PHF21B: variants seen among roughly 807,000 people sequenced by gnomAD.
PHF21B encodes the protein PHD finger protein 4.
A neutral mutation model predicts 62.2 loss-of-function variants in PHF21B; 22 were observed. The observed-to-expected ratio is 0.35, with a 90% confidence interval of 0.25 to 0.51. The LOEUF (loss-of-function observed/expected upper bound fraction) is 0.51. PHF21B is among the 20% of genes least tolerant of loss of function. PHF21B has a pLI of 0.97. For synonymous variants in PHF21B, 341 were observed against 314.7 expected (o/e 1.08, Z -0.88); for missense variants, 701 against 707.9 (o/e 0.99, Z 0.11).
intron 2 of PHF21B, among the ~76,000 whole-genome samples, chr22:44,987,745 C>T (rs2072976622): frequency 7.1e-6 from 1 of 140,522 alleles, no homozygotes; most frequent in African/African-American, 2.7e-5. Flanking sequence ...ATCCATGGAG[C>T]CCCCAACACT....
rs2073379129 is a variant in PHF21B, at chr22:45,009,077, C to T, written c.54+419G>A. 9.0e-6 allele frequency: 10 copies of T among 1,107,116 alleles called. No individual in the cohort carries two copies. In the South Asian group the frequency reaches 1.3e-4, roughly 14 times the overall value. The allele number at this position is 1,107,116 out of a possible 1,614,324, so 68.6% of individuals were successfully genotyped here. ...GCTCCGGCCGCCACGCCGCCGCTCG[C>T]CAGCAGCGATCGCCAAAACTACTTC... On this transcript the variant is annotated intron_variant, in intron 1 of 12. Coordinates refer to ENST00000313237, the MANE Select transcript of PHF21B (RefSeq NM_138415.5). The surrounding 1 kb of genome is among the most constrained non-coding windows in gnomAD (Gnocchi z 5.9).
At chr22:45,008,800 C>A in intron 1 of PHF21B, 190 bp from the exon 2 acceptor site, 4 of 1,174,370 alleles carry the variant, frequency 3.4e-6, no homozygotes, top group East Asian at 3.7e-5. Flanking sequence ...TTACCTGTGG[C>A]TGCCGCCTCA....
At chr22:44,971,836 C>G (rs1362736111) in intron 2 of PHF21B, among the ~76,000 whole-genome samples, 1 of 152,274 alleles carries the variant, frequency 6.6e-6, no homozygotes, top group Non-Finnish European at 1.5e-5. Context: ...CAGCCTCAAG[C>G]TCCTTACGGA....
In PHF21B at chr22:44,888,585, A is replaced by G. The variant is rs77296214; in HGVS notation, c.1039-464T>C. On this transcript the variant is annotated intron_variant, in intron 9 of 12. Coordinates refer to ENST00000313237, the MANE Select transcript of PHF21B (RefSeq NM_138415.5). ...CACTGCTTATGTGGACACTGCCTGG[A>G]GGGGCGGCGTAGCCCCGGCCAAGAC... Among the ~76,000 whole-genome samples, 2,417 of 152,240 alleles carry G rather than the reference A, an allele frequency of 0.016. 275 individuals carry two copies. The East Asian group carries it at 0.31, about 19-fold the overall frequency.
Position 45,009,052 on chromosome 22 carries a change from G to C in PHF21B, c.55-442C>G. ...CACGCGCACGCCGAGCCCCGCTCAG[G>C]CTCCGGCCGCCACGCCGCCGCTCGC... is the stretch of plus-strand genomic sequence containing the variant. On this transcript the variant is annotated intron_variant, in intron 1 of 12. Coordinates refer to ENST00000313237, the MANE Select transcript of PHF21B (RefSeq NM_138415.5). The surrounding 1 kb of genome is among the most constrained non-coding windows in gnomAD (Gnocchi z 5.9). 8.9e-7 allele frequency: 1 copy of C among 1,126,938 alleles called. No individual in the cohort carries two copies. Among genetic ancestry groups the C allele is most frequent in the Non-Finnish European group, 1.1e-6 (1 of 918,764 alleles). The allele number at this position is 1,126,938 out of a possible 1,614,324, so 69.8% of individuals were successfully genotyped here. A position where few individuals can be genotyped will look rare whatever the true frequency, so the allele number is the denominator to read the frequency against.
In PHF21B at chr22:44,885,544, G is replaced by T; in HGVS notation, c.1274-15C>A. On this transcript the variant is annotated splice_polypyrimidine_tract_variant and intron_variant, in intron 11 of 12. Transcript: ENST00000313237. ...CTCTTCTTTGACTAGAAAAGAGAAG[G>T]CCAGGTCCCTGGAGAGGGGCAGGTA... 6.4e-7 allele frequency: 1 copy of T among 1,574,526 alleles called. No individual in the cohort carries two copies.
At chr22:44,978,153 C>T (rs1479473568) in intron 2 of PHF21B, among the ~76,000 whole-genome samples, 2 of 152,118 alleles carry the variant, frequency 1.3e-5, no homozygotes, top group Non-Finnish European at 2.9e-5. Context: ...ATGGGAAATA[C>T]CTACAAGTGG....
In PHF21B at chr22:44,899,312, C is replaced by T. The variant is rs1254709297; in HGVS notation, c.832-3229G>A. On this transcript the variant is annotated intron_variant, in intron 5 of 12. Transcript: ENST00000313237. Reference sequence around the variant, plus strand: ...TTTTTTTTTTTTTTTTTTTTTGAGACGGAGCTTCGCTCTTGTCACCCAGCC... The same window carrying T: ...TTTTTTTTTTTTTTTTTTTTTGAGATGGAGCTTCGCTCTTGTCACCCAGCC... Among the ~76,000 whole-genome samples, 75 of 113,098 alleles carry T rather than the reference C, an allele frequency of 6.6e-4. 1 individual carries two copies. The highest frequency in any genetic ancestry group is 3.4e-4 in the Non-Finnish European group (20 of 58,988). The allele number at this position is 113,098 out of a possible 152,430, so 74.2% of individuals were successfully genotyped here.
At chr22:44,892,467 G>C (rs1306570073) in intron 7 of PHF21B, among the ~76,000 whole-genome samples, 1 of 152,228 alleles carries the variant, frequency 6.6e-6, no homozygotes, top group African/African-American at 2.4e-5. Flanking sequence ...CTTGAGCTCA[G>C]GTTCCCAAGA....
intron 5 of PHF21B, among the ~76,000 whole-genome samples, chr22:44,896,500 G>A (rs920936129): frequency 1.2e-4 from 18 of 152,200 alleles, no homozygotes; most frequent in Admixed American, 2.0e-4. Context: ...CTGGATACAC[G>A]TATTCAAATA....
chr22:44,923,192 GT>G (rs1420141788), intron 2 of PHF21B, among the ~76,000 whole-genome samples: 4 of 152,192 alleles, frequency 2.6e-5, no homozygotes, highest in South Asian at 4.1e-4. Context: ...CACATACATA[GT>G]CCATTGATTT....
chr22:44,965,719 G>A (rs994225647), intron 2 of PHF21B, among the ~76,000 whole-genome samples: 1 of 152,198 alleles, frequency 6.6e-6, no homozygotes, highest in African/African-American at 2.4e-5. Flanking sequence ...CAGTGGAGCA[G>A]GACCACACTG....
chr22:44,906,758 A>G (rs2071257916), intron 5 of PHF21B, among the ~76,000 whole-genome samples: 1 of 151,834 alleles, frequency 6.6e-6, no homozygotes, highest in Admixed American at 6.5e-5. Flanking sequence ...GAACCTTGTA[A>G]TTCCTGCCCC....
intron 2 of PHF21B, among the ~76,000 whole-genome samples, chr22:44,964,588 G>A (rs1210087205): frequency 6.6e-6 from 1 of 152,270 alleles, no homozygotes; most frequent in Non-Finnish European, 1.5e-5. Context: ...GCAGTGATTA[G>A]TAACTACATT....
intron 2 of PHF21B, among the ~76,000 whole-genome samples, chr22:45,007,354 G>C (rs1420420460): frequency 6.6e-6 from 1 of 151,010 alleles, no homozygotes; most frequent in Non-Finnish European, 1.5e-5. Context: ...CCTCGTCCAC[G>C]TCTCTCCCCT....
At position 44,894,941 on chromosome 22, in the gene PHF21B, C is replaced by T. The variant is rs138084092; in HGVS notation, c.883+1091G>A. The stretch of plus-strand genomic sequence containing the variant: ...CAGGTCCCTCCCCTCCCCTGGGCTT[C>T]GGTGGCTCACCTGCTGCAATGGATA... On this transcript the variant is annotated intron_variant, in intron 6 of 12. Transcript: ENST00000313237. Among the ~76,000 whole-genome samples the T allele has an allele frequency of 3.3e-3, 499 of 152,296 alleles. 7 individuals are homozygous for T. The highest frequency in any genetic ancestry group is 0.011 in the African/African-American group (455 of 41,556).
At chr22:44,889,842 G>T in intron 8 of PHF21B, 60 bp from the exon 9 acceptor site, 1 of 1,484,830 alleles carries the variant, frequency 6.7e-7, no homozygotes, top group South Asian at 1.4e-5. Context: ...CACAGATCAG[G>T]ACTGGAGTCC....
chr22:44,980,241 C>G (rs2072815154), intron 2 of PHF21B, among the ~76,000 whole-genome samples: 1 of 152,180 alleles, frequency 6.6e-6, no homozygotes, highest in Admixed American at 6.5e-5. Flanking sequence ...AGGATGTCAG[C>G]ATGTCTGGCC....
intron 2 of PHF21B, among the ~76,000 whole-genome samples, chr22:45,007,434 C>T (rs1213086945): frequency 6.7e-6 from 1 of 149,266 alleles, no homozygotes; most frequent in Non-Finnish European, 1.5e-5. Flanking sequence ...AGCGCGGGGG[C>T]AGGCCCGGGC....
Sources: gnomAD v4.1 joint callset for allele counts (sites outside exome capture counted in the v4.1 genomes callset) on GRCh38, gnomAD v4.1.1 for gene constraint, Gnocchi (gnomAD v3.1) non-coding constraint, MANE v1.5 for transcripts, NCBI Gene and HGNC (gene_info 2026-07-23, HGNC 2026-07-21) for gene names.